NWD2: variants seen among roughly 807,000 people sequenced by gnomAD.
The protein encoded by NWD2 is NACHT and WD repeat domain-containing protein 2.
A neutral mutation model predicts 132.7 loss-of-function variants in NWD2; 37 were observed. The observed-to-expected ratio is 0.28, with a 90% CI of 0.21 to 0.37. NWD2 has a LOEUF of 0.37. Ranked by LOEUF, NWD2 falls within the 10% of genes least tolerant of loss-of-function variation. The pLI is 1.00. For missense variants in NWD2, 1,592 were observed against 2,122.4 expected (o/e 0.75, Z 4.91); for synonymous variants, 705 against 803.0 (o/e 0.88, Z 2.06).
chr4:37,380,142 C>T (rs573078044), intron 3 of NWD2, among the ~76,000 whole-genome samples: 3 of 152,296 alleles, frequency 2.0e-5, no homozygotes, highest in East Asian at 3.9e-4. Context: ...TATTGTTATA[C>T]CAATTTACAG....
rs1712656550 is a variant in NWD2, at chr4:37,447,066, C to A, written c.5078C>A (p.Ser1693Tyr). The A allele has an allele frequency of 6.4e-7, 1 of 1,551,528 alleles. No individual in the cohort carries two copies. The highest frequency in any genetic ancestry group is 8.7e-7 in the Non-Finnish European group (1 of 1,146,998). ...KISVDCLWRE[S>Y]TEVFARDSPI... ...TCTGTGGATTGCTTATGGAGAGAGT[C>A]CACTGAGGTCTTTGCAAGAGACAGC... is the stretch of plus-strand genomic sequence containing the variant. The change falls in exon 7 of 7, where the codon TCC (serine) becomes TAC (tyrosine). Residue 1693 changes from serine to tyrosine, a missense_variant. Coordinates refer to ENST00000309447, the MANE Select transcript of NWD2 (RefSeq NM_001144990.2).
chr4:37,316,415 T>C (rs1718958974), intron 1 of NWD2, among the ~76,000 whole-genome samples: 1 of 152,088 alleles, frequency 6.6e-6, no homozygotes, highest in Non-Finnish European at 1.5e-5. Flanking sequence ...GATTTTCTCT[T>C]TATCTTTTGT....
At chr4:37,397,592 C>T (rs1297105734) in intron 3 of NWD2, among the ~76,000 whole-genome samples, 1 of 152,136 alleles carries the variant, frequency 6.6e-6, no homozygotes, top group Non-Finnish European at 1.5e-5. Flanking sequence ...ACTTGCCAGC[C>T]CCCATAAAGT....
At position 37,447,587 on chromosome 4, in the gene NWD2, G is replaced by A. The variant is rs939618812; in HGVS notation, c.*370G>A. The stretch of plus-strand genomic sequence containing the variant: ...GGAATTAGTTCTACAAAAATCAGCT[G>A]AAATCATGAAGACAAAGAGCTGCTT... On this transcript the variant is annotated 3_prime_UTR_variant, in exon 7 of 7. Transcript: ENST00000309447. 2 of 208,978 alleles carry A rather than the reference G, an allele frequency of 9.6e-6. No individual in the cohort carries two copies. Among genetic ancestry groups the A allele is most frequent in the Non-Finnish European group, 1.9e-5 (2 of 102,898 alleles). The allele number at this position is 208,978 out of a possible 1,614,324, so 12.9% of individuals were successfully genotyped here. A position where few individuals can be genotyped will look rare whatever the true frequency, so the allele number is the denominator to read the frequency against.
chr4:37,278,797 C>G (rs550472559), intron 1 of NWD2, among the ~76,000 whole-genome samples: 1 of 152,102 alleles, frequency 6.6e-6, no homozygotes, highest in Non-Finnish European at 1.5e-5. Context: ...ATATTTAACC[C>G]GATTTCTGAC....
intron 2 of NWD2, among the ~76,000 whole-genome samples, chr4:37,328,903 C>G (rs1719230426): frequency 6.6e-6 from 1 of 152,010 alleles, no homozygotes; most frequent in African/African-American, 2.4e-5. Context: ...TTGTCTTTCT[C>G]CCACTAGATT....
intron 1 of NWD2, among the ~76,000 whole-genome samples, chr4:37,318,795 C>G (rs1345314173): frequency 6.6e-6 from 1 of 152,056 alleles, no homozygotes; most frequent in Non-Finnish European, 1.5e-5. Context: ...CATGTTGCTG[C>G]AAAGGACATG....
Position 37,445,184 on chromosome 4 carries a change from C to T in NWD2, c.3196C>T (p.Leu1066=). 1 of 1,551,942 alleles carries T rather than the reference C, an allele frequency of 6.4e-7. No individual in the cohort carries two copies. Among genetic ancestry groups the T allele is most frequent in the Non-Finnish European group, 8.7e-7 (1 of 1,147,054 alleles). ...CGCCACCTACATCAATGGATTTACA[C>T]TGTCCGCCAACCACGCCCTTGCATG... ...SSATYINGFT[L]SANHALAWLE... Residue 1066 remains leucine, a synonymous_variant, in exon 7 of 7, where the codon CTG becomes TTG. Transcript: ENST00000309447. The surrounding 1 kb of genome is among the most constrained non-coding windows in gnomAD (Gnocchi z 4.7).
At chr4:37,430,408 T>C (rs1252640144) in intron 3 of NWD2, among the ~76,000 whole-genome samples, 164 bp from the exon 4 acceptor site, 1 of 152,216 alleles carries the variant, frequency 6.6e-6, no homozygotes, top group African/African-American at 2.4e-5. Flanking sequence ...TTGATCTAAT[T>C]TTACTTAGGA....
intron 1 of NWD2, among the ~76,000 whole-genome samples, chr4:37,279,091 A>G (rs1160826642): frequency 6.6e-6 from 1 of 152,210 alleles, no homozygotes; most frequent in Admixed American, 6.5e-5. Flanking sequence ...TTTTAAATGG[A>G]AAAGACAATT....
At chr4:37,398,473 G>A (rs940438523) in intron 3 of NWD2, among the ~76,000 whole-genome samples, 3 of 152,166 alleles carry the variant, frequency 2.0e-5, no homozygotes, top group Non-Finnish European at 4.4e-5. Context: ...AAAGGGGAGG[G>A]AGAGCATTAA....
At chr4:37,390,226 G>A (rs1346685705) in intron 3 of NWD2, among the ~76,000 whole-genome samples, 1 of 141,142 alleles carries the variant, frequency 7.1e-6, no homozygotes, top group Non-Finnish European at 1.6e-5. Context: ...TTAAGTATAT[G>A]TACATATACT....
intron 1 of NWD2, among the ~76,000 whole-genome samples, chr4:37,294,625 T>C (rs1458989577): frequency 6.6e-6 from 1 of 152,230 alleles, no homozygotes; most frequent in Non-Finnish European, 1.5e-5. Context: ...ACTATGGTTT[T>C]GTCTGTAACA....
chr4:37,277,451 C>T (rs1718043617), intron 1 of NWD2, among the ~76,000 whole-genome samples: 1 of 151,828 alleles, frequency 6.6e-6, no homozygotes, highest in African/African-American at 2.4e-5. Context: ...GTTCATTTGT[C>T]TTTAATCTTG....
At chr4:37,429,703 A>G (rs914248961) in intron 3 of NWD2, among the ~76,000 whole-genome samples, 8 of 152,232 alleles carry the variant, frequency 5.3e-5, no homozygotes, top group Non-Finnish European at 1.0e-4. Flanking sequence ...ATATAGTTGT[A>G]TGATACAATT....
chr4:37,357,026 G>C (rs544806470), intron 3 of NWD2, among the ~76,000 whole-genome samples: 2 of 152,240 alleles, frequency 1.3e-5, no homozygotes, highest in South Asian at 4.1e-4. Context: ...GATATTCCAA[G>C]TGGAACATTA....
At chr4:37,354,633 G>A (rs1719834518) in intron 2 of NWD2, among the ~76,000 whole-genome samples, 1 of 152,196 alleles carries the variant, frequency 6.6e-6, no homozygotes, top group African/African-American at 2.4e-5. Context: ...CTCAGGACAG[G>A]AGGCCAGAGT....
At chr4:37,399,395 G>C (rs556428986) in intron 3 of NWD2, among the ~76,000 whole-genome samples, 18 of 152,176 alleles carry the variant, frequency 1.2e-4, no homozygotes, top group Non-Finnish European at 2.2e-4. Flanking sequence ...CCTTGGTTAA[G>C]ATAAGTATTT....
At chr4:37,357,892 A>G (rs567252125) in intron 3 of NWD2, among the ~76,000 whole-genome samples, 1 of 152,214 alleles carries the variant, frequency 6.6e-6, no homozygotes, top group East Asian at 1.9e-4. Flanking sequence ...AGGGGCAGGA[A>G]AGAACCAGGT....
Sources: allele counts gnomAD v4.1 joint callset (sites outside exome capture counted in the v4.1 genomes callset), GRCh38; gene constraint gnomAD v4.1.1; non-coding constraint Gnocchi (gnomAD v3.1); transcripts MANE v1.5; gene names NCBI Gene and HGNC (gene_info 2026-07-23, HGNC 2026-07-21).